Variants in PALS1 observed in about 807,000 individuals in gnomAD.
The protein encoded by PALS1 is protein associated with LIN7 1, MAGUK p55 family member, also known as protein PALS1.
PALS1 carries 31 observed loss-of-function variants against 78.9 expected under a neutral mutation model. That is an observed-to-expected ratio of 0.39 (90% CI 0.30 to 0.53). The LOEUF (loss-of-function observed/expected upper bound fraction) is 0.53, where lower values mean the gene tolerates loss of function less well. Ranked by LOEUF, PALS1 falls within the 20% of genes least tolerant of loss-of-function variation. The pLI is 0.67. For missense variants in PALS1, 704 were observed against 826.5 expected (o/e 0.85, Z 1.82); for synonymous variants, 276 against 270.9 (o/e 1.02, Z -0.18).
intron 8 of PALS1, among the ~76,000 whole-genome samples, chr14:67,309,009 A>T (rs939492312): frequency 3.8e-4 from 57 of 148,830 alleles, no homozygotes; most frequent in African/African-American, 1.3e-3. Flanking sequence ...AGATATTAAA[A>T]AAAGGAAAAA....
chr14:67,325,895 G>T (rs991541991), intron 14 of PALS1, among the ~76,000 whole-genome samples: 1 of 150,236 alleles, frequency 6.7e-6, no homozygotes, highest in African/African-American at 2.5e-5. Flanking sequence ...TGCAACCTCC[G>T]CCTCCTGGGT....
chr14:67,265,172 G>A (rs2084301717), intron 1 of PALS1, among the ~76,000 whole-genome samples: 1 of 152,194 alleles, frequency 6.6e-6, no homozygotes, highest in South Asian at 2.1e-4. Context: ...GATGACAAAT[G>A]AAGGTACTTT....
chr14:67,276,735 T>C (rs1156486235), intron 2 of PALS1, among the ~76,000 whole-genome samples: 1 of 152,136 alleles, frequency 6.6e-6, no homozygotes, highest in African/African-American at 2.4e-5. Context: ...TACTACCAGG[T>C]TATAGAAATT....
At chr14:67,272,790 C>G (rs2084428251) in intron 2 of PALS1, among the ~76,000 whole-genome samples, 1 of 152,142 alleles carries the variant, frequency 6.6e-6, no homozygotes. Context: ...TCCCGAGTAG[C>G]TGGGACTACA....
intron 4 of PALS1, chr14:67,294,490 A>C (rs2084816077): frequency 6.6e-6 from 1 of 152,106 alleles, no homozygotes; most frequent in South Asian, 2.1e-4. Context: ...AAAAAAAAAA[A>C]CTCAAGAAAT....
intron 1 of PALS1, among the ~76,000 whole-genome samples, chr14:67,243,827 CAT>C (rs1451216506): frequency 6.6e-6 from 1 of 152,174 alleles, no homozygotes; most frequent in Non-Finnish European, 1.5e-5. Context: ...CTTACTGAAT[CAT>C]AGGATCGTTG....
chr14:67,330,291 C>T (rs1159973053), intron 14 of PALS1, among the ~76,000 whole-genome samples: 1 of 151,528 alleles, frequency 6.6e-6, no homozygotes, highest in Non-Finnish European at 1.5e-5. Flanking sequence ...TTTGCACTTG[C>T]TTTAGTTTCT....
At chr14:67,274,502 G>C (rs1048931840) in intron 2 of PALS1, among the ~76,000 whole-genome samples, 3 of 151,990 alleles carry the variant, frequency 2.0e-5, no homozygotes, top group African/African-American at 4.8e-5. Flanking sequence ...GGTACCAGTA[G>C]CATGCTGTTT....
At chr14:67,257,625 A>T (rs1415012774) in intron 1 of PALS1, among the ~76,000 whole-genome samples, 2 of 152,190 alleles carry the variant, frequency 1.3e-5, no homozygotes, top group Non-Finnish European at 2.9e-5. Context: ...GCATGTATGT[A>T]TACATAGAAC....
intron 4 of PALS1, among the ~76,000 whole-genome samples, chr14:67,294,162 A>G (rs1333638312): frequency 6.6e-6 from 1 of 152,204 alleles, no homozygotes; most frequent in Non-Finnish European, 1.5e-5. Context: ...CACTATTTTA[A>G]AAGTACTGTA....
intron 14 of PALS1, among the ~76,000 whole-genome samples, chr14:67,327,573 T>C (rs1323593614): frequency 6.6e-6 from 1 of 152,104 alleles, no homozygotes; most frequent in Non-Finnish European, 1.5e-5. Flanking sequence ...ATGTGCCATG[T>C]TGGTGTGCTG....
At chr14:67,241,867 C>T (rs1035690204) in intron 1 of PALS1, 1 of 152,182 alleles carries the variant, frequency 6.6e-6, no homozygotes, top group Non-Finnish European at 1.5e-5. Flanking sequence ...CCCCTGCGCC[C>T]TCTCTCCGAG....
At chr14:67,291,314 C>T (rs1466149623) in intron 3 of PALS1, among the ~76,000 whole-genome samples, 2 of 149,694 alleles carry the variant, frequency 1.3e-5, no homozygotes, top group African/African-American at 2.5e-5. Context: ...CTGCAACCTC[C>T]GCCTCCTGGG....
At chr14:67,261,908 A>T (rs772278826) in intron 1 of PALS1, among the ~76,000 whole-genome samples, 1 of 152,154 alleles carries the variant, frequency 6.6e-6, no homozygotes, top group Non-Finnish European at 1.5e-5. Flanking sequence ...AATTGAAGGG[A>T]AAAGATAAAT....
At chr14:67,285,318 A>G (rs1394589465) in intron 3 of PALS1, among the ~76,000 whole-genome samples, 1 of 152,134 alleles carries the variant, frequency 6.6e-6, no homozygotes, top group African/African-American at 2.4e-5. Flanking sequence ...AATGAGAGTA[A>G]TATATAAAAA....
intron 14 of PALS1, among the ~76,000 whole-genome samples, chr14:67,327,148 C>G (rs2085370593): frequency 6.6e-6 from 1 of 152,016 alleles, no homozygotes; most frequent in Non-Finnish European, 1.5e-5. Flanking sequence ...GCACTCCTGC[C>G]TGGGCAACAG....
intron 14 of PALS1, among the ~76,000 whole-genome samples, chr14:67,327,944 C>G (rs1463944846): frequency 6.6e-6 from 1 of 152,112 alleles, no homozygotes; most frequent in African/African-American, 2.4e-5. Context: ...AGTCAATGTA[C>G]GTGTGCATGT....
intron 14 of PALS1, among the ~76,000 whole-genome samples, chr14:67,328,311 C>T (rs1595622621): frequency 6.6e-6 from 1 of 152,090 alleles, no homozygotes; most frequent in East Asian, 1.9e-4. Flanking sequence ...TATCCTTTGC[C>T]CACTTTTTGA....
At chr14:67,315,961 G>A (rs2085167656) in intron 9 of PALS1, among the ~76,000 whole-genome samples, 1 of 152,240 alleles carries the variant, frequency 6.6e-6, no homozygotes, top group South Asian at 2.1e-4. Flanking sequence ...CTTCTTATGT[G>A]TATGGAAGTC....
Sources: gnomAD v4.1 joint callset for allele counts (sites outside exome capture counted in the v4.1 genomes callset) on GRCh38, gnomAD v4.1.1 for gene constraint, MANE v1.5 for transcripts, NCBI Gene and HGNC (gene_info 2026-07-23, HGNC 2026-07-21) for gene names.